NAV2: variants seen among roughly 807,000 people sequenced by gnomAD.
The protein encoded by NAV2 is helicase, APC down-regulated 1.
In NAV2, 54 loss-of-function variants were observed where a neutral mutation model predicts 223.2. That is an observed-to-expected ratio of 0.24 (90% confidence interval 0.19 to 0.30). The LOEUF is 0.30. Among genes scored for constraint, NAV2 ranks in the 10% least tolerant of loss-of-function variants. NAV2 has a pLI of 1.00. For missense variants in NAV2, 2,806 were observed against 3,147.5 expected (o/e 0.89, Z 2.60); for synonymous variants, 1,279 against 1,239.3 (o/e 1.03, Z -0.67).
At chr11:19,521,051 C>G (rs528963007) in intron 1 of NAV2, among the ~76,000 whole-genome samples, 2 of 152,220 alleles carry the variant, frequency 1.3e-5, no homozygotes, top group East Asian at 3.9e-4. Context: ...TTGGACCCTG[C>G]AAGCCTGCAT....
intron 1 of NAV2, among the ~76,000 whole-genome samples, chr11:19,774,529 C>A (rs1256059807): frequency 6.6e-6 from 1 of 152,166 alleles, no homozygotes; most frequent in Non-Finnish European, 1.5e-5. Context: ...TTTTGTAGCA[C>A]CTGTTGCATT....
intron 14 of NAV2, among the ~76,000 whole-genome samples, chr11:20,048,412 G>A (rs1406715143): frequency 6.6e-6 from 1 of 152,198 alleles, no homozygotes; most frequent in Non-Finnish European, 1.5e-5. Flanking sequence ...TCTATTGAAA[G>A]AAAGGGAAGC....
intron 3 of NAV2, among the ~76,000 whole-genome samples, chr11:19,851,124 A>G (rs141892797): frequency 1.3e-5 from 2 of 152,346 alleles, no homozygotes; most frequent in East Asian, 3.9e-4. Context: ...CTATGAGAGC[A>G]TATACAATTG....
intron 1 of NAV2, among the ~76,000 whole-genome samples, chr11:19,723,137 G>A (rs1439183158): frequency 2.0e-5 from 3 of 152,202 alleles, no homozygotes; most frequent in Non-Finnish European, 4.4e-5. Context: ...AGGGTTCTGA[G>A]GGGGTTTTAG....
chr11:19,711,016 A>G (rs909747180), upstream of NAV2: 1 of 152,258 alleles, frequency 6.6e-6, no homozygotes, highest in Non-Finnish European at 1.5e-5. Context: ...GGGAGACAAT[A>G]GTACGGGAGG....
intron 31 of NAV2, among the ~76,000 whole-genome samples, chr11:20,098,760 A>G (rs2153695644): frequency 1.3e-5 from 2 of 152,336 alleles, no homozygotes; most frequent in South Asian, 4.1e-4. Flanking sequence ...AGTGACAGAA[A>G]CAGACTCAAA....
chr11:19,899,876 T>C (rs1276440525), intron 6 of NAV2, among the ~76,000 whole-genome samples: 1 of 152,220 alleles, frequency 6.6e-6, no homozygotes, highest in Admixed American at 6.5e-5. Flanking sequence ...TCAACTCATA[T>C]TCTATGGAGG....
chr11:20,036,842 G>A (rs969228609), intron 12 of NAV2, among the ~76,000 whole-genome samples: 5 of 152,160 alleles, frequency 3.3e-5, no homozygotes, highest in Non-Finnish European at 5.9e-5. Context: ...CTGGCCAGCT[G>A]TACTCCTTAA....
Position 19,613,364 on chromosome 11 carries a change from A to G in NAV2, c.76-219120A>G, listed in dbSNP as rs1022231563. The stretch of plus-strand genomic sequence containing the variant: ...ATCATGTTTTTGTCTTGCTTTTATT[A>G]TCATTCTAAATATGCTTTCCTGTTT... On this transcript the variant is annotated intron_variant, in intron 1 of 37. Coordinates refer to the NAV2 transcript ENST00000360655. Among the ~76,000 whole-genome samples the G allele has an allele frequency of 7.9e-5, 12 of 152,288 alleles. No homozygotes were observed. In the South Asian group the frequency reaches 1.4e-3, roughly 18 times the overall value.
intron 1 of NAV2, among the ~76,000 whole-genome samples, chr11:19,690,036 T>A (rs1289656495): frequency 6.6e-6 from 1 of 152,216 alleles, no homozygotes; most frequent in Non-Finnish European, 1.5e-5. Flanking sequence ...AATGGCGTGA[T>A]CTAGGCTCAC....
rs535717668 is a variant in NAV2 at position 19,803,465 on chromosome 11, A to G, written c.268-29019A>G. On this transcript the variant is annotated intron_variant, in intron 1 of 37. Coordinates refer to ENST00000349880, the MANE Select transcript of NAV2 (RefSeq NM_145117.5). ...ACTTTCCCACTGAAATGGTGGGAGC[A>G]GAGCTTCAGATATGTGTTCAAATCC... Among the ~76,000 whole-genome samples the G allele has an allele frequency of 5.9e-5, 9 of 152,360 alleles. No individual in the cohort carries two copies. In the East Asian group the frequency reaches 1.5e-3, roughly 26 times the overall value.
chr11:19,832,256 T>G (rs575824059), intron 1 of NAV2, among the ~76,000 whole-genome samples: 1 of 152,308 alleles, frequency 6.6e-6, no homozygotes, highest in African/African-American at 2.4e-5. Context: ...TTTGAAGCTT[T>G]CTTTAGTTTT....
At chr11:19,529,059 C>T (rs71488714) in intron 1 of NAV2, among the ~76,000 whole-genome samples, 29 of 152,124 alleles carry the variant, frequency 1.9e-4, no homozygotes, top group African/African-American at 6.0e-4. Context: ...TTGGCACGTG[C>T]GTGCACACAC....
intron 2 of NAV2, among the ~76,000 whole-genome samples, chr11:19,836,486 A>G (rs988484775): frequency 2.0e-5 from 3 of 150,310 alleles, no homozygotes; most frequent in Non-Finnish European, 4.4e-5. Context: ...GAACCCGGGA[A>G]GCGGAGCTTG....
intron 35 of NAV2, chr11:20,107,419 C>T: frequency 3.8e-6 from 2 of 527,302 alleles, no homozygotes; most frequent in South Asian, 5.4e-5. Context: ...AGTGATGCCA[C>T]AGTGAGCATC....
intron 1 of NAV2, among the ~76,000 whole-genome samples, chr11:19,784,152 G>T (rs537277224): frequency 5.3e-5 from 8 of 152,008 alleles, no homozygotes; most frequent in Non-Finnish European, 8.8e-5. Flanking sequence ...ACTTTGGGAG[G>T]CTGAGGTGGG....
intron 1 of NAV2, among the ~76,000 whole-genome samples, chr11:19,433,647 G>A (rs1851112532): frequency 6.6e-6 from 1 of 152,218 alleles, no homozygotes; most frequent in Non-Finnish European, 1.5e-5. Context: ...TTGTGAGCCA[G>A]CAACAGGCTT....
At chr11:19,656,763 G>T (rs992591952) in intron 1 of NAV2, among the ~76,000 whole-genome samples, 1 of 152,166 alleles carries the variant, frequency 6.6e-6, no homozygotes, top group Non-Finnish European at 1.5e-5. Flanking sequence ...AATGCTCTAG[G>T]GGGAGAAAAT....
intron 10 of NAV2, among the ~76,000 whole-genome samples, chr11:19,958,660 C>G (rs1045329707): frequency 2.0e-5 from 3 of 152,328 alleles, no homozygotes; most frequent in Non-Finnish European, 4.4e-5. Context: ...GCCTGGCATG[C>G]ATGCTTTAAG....
Sources: gnomAD v4.1 joint callset for allele counts (sites outside exome capture counted in the v4.1 genomes callset) on GRCh38, gnomAD v4.1.1 for gene constraint, MANE v1.5 for transcripts, NCBI Gene and HGNC (gene_info 2026-07-23, HGNC 2026-07-21) for gene names.